MAT1A: variants seen among roughly 807,000 people sequenced by gnomAD.
MAT1A encodes S-adenosylmethionine synthase isoform type-1.
MAT1A carries 19 observed loss-of-function variants against 44.0 expected under a neutral mutation model. The observed-to-expected ratio is 0.43, with a 90% CI of 0.30 to 0.63. The LOEUF (loss-of-function observed/expected upper bound fraction) is 0.63, where lower values mean the gene tolerates loss of function less well. Among genes scored for constraint, MAT1A ranks in the 30% least tolerant of loss-of-function variants. The pLI is 0.12. For synonymous variants in MAT1A, 205 were observed against 205.6 expected (o/e 1.00, Z 0.03); for missense variants, 397 against 531.0 (o/e 0.75, Z 2.48).
rs372568234 is a variant in MAT1A, at chr10:80,289,451, T to C, written c.-28A>G. 10 of 1,561,586 alleles carry C rather than the reference T, an allele frequency of 6.4e-6. No homozygotes were observed. The African/African-American group carries it at 1.2e-4, about 19-fold the overall frequency. On this transcript the variant is annotated 5_prime_UTR_variant, in exon 1 of 9. Coordinates refer to ENST00000372213, the MANE Select transcript of MAT1A (RefSeq NM_000429.3). ...TCTCACACTTCTCCACTCACGCTTC[T>C]TTCAGTGAACAATTTTGAGGCTGTG...
intron 1 of MAT1A, among the ~76,000 whole-genome samples, chr10:80,287,298 T>G (rs191218274): frequency 3.8e-3 from 578 of 152,408 alleles, no homozygotes; most frequent in Non-Finnish European, 6.1e-3. Flanking sequence ...TTTTTGTTTT[T>G]GTTTTGGCTT....
chr10:80,273,834 G>C lies in MAT1A; in HGVS notation c.1135C>G (p.His379Asp), dbSNP rs1841443310. The C allele has an allele frequency of 6.2e-7, 1 of 1,613,810 alleles. No individual in the cohort carries two copies. The highest frequency in any genetic ancestry group is 1.1e-5 in the South Asian group (1 of 91,066). ...PIYQKTACYG[H>D]FGRSEFPWEV... is the part of the protein sequence containing the mutation. ...CATGGGAACTCGCTTCTTCCGAAAT[G>C]GCCGTAGCATGCTGTCTTCTGGTAG... is the stretch of plus-strand genomic sequence containing the variant. Residue 379 changes from histidine to aspartate, a missense_variant, in exon 9 of 9, where the codon CAT (histidine) becomes GAT (aspartate). Coordinates refer to ENST00000372213, the MANE Select transcript of MAT1A (RefSeq NM_000429.3).
intron 5 of MAT1A, among the ~76,000 whole-genome samples, chr10:80,279,051 G>A (rs1173254655): frequency 6.6e-6 from 1 of 152,240 alleles, no homozygotes; most frequent in Non-Finnish European, 1.5e-5. Flanking sequence ...ACCATAAAAG[G>A]TTGTGAATGC....
intron 3 of MAT1A, among the ~76,000 whole-genome samples, chr10:80,282,626 T>A (rs1355932369): frequency 6.6e-6 from 1 of 152,216 alleles, no homozygotes; most frequent in African/African-American, 2.4e-5. Flanking sequence ...CCTCTGTGAA[T>A]ACCCTCATGT....
chr10:80,274,158 A>G (rs2132700844), intron 8 of MAT1A, among the ~76,000 whole-genome samples: 1 of 152,326 alleles, frequency 6.6e-6, no homozygotes, highest in South Asian at 2.1e-4. Context: ...GCCCAGGCCA[A>G]TGTTGACACC....
In MAT1A at chr10:80,289,642, T is replaced by G; in HGVS notation, c.-219A>C. 1 of 584,572 alleles carries G rather than the reference T, an allele frequency of 1.7e-6. No homozygotes were observed. Among genetic ancestry groups the G allele is most frequent in the South Asian group, 1.9e-5 (1 of 52,412 alleles). The allele number at this position is 584,572 out of a possible 1,614,324, so 36.2% of individuals were successfully genotyped here. ...GTGGATGGAACACGGGATGTGTCCC[T>G]CCCTCCAGCTTGCCACAGCTTGCTC... On this transcript the variant is annotated 5_prime_UTR_variant, in exon 1 of 9. Transcript: ENST00000372213.
rs146278151 is a variant in MAT1A at position 80,276,011 on chromosome 10, C to T, written c.768+365G>A. 1.4e-4 allele frequency among the ~76,000 whole-genome samples: 21 copies of T among 152,302 alleles called. No individual in the cohort carries two copies. In the East Asian group the frequency reaches 1.9e-3, roughly 14 times the overall value. Reference sequence around the variant, plus strand: ...TGGTGAAGATCTGGAAACAGCCACCCGGGAACAGCTGTCCACGTGCAAATG... The same window carrying T: ...TGGTGAAGATCTGGAAACAGCCACCTGGGAACAGCTGTCCACGTGCAAATG... On this transcript the variant is annotated intron_variant, in intron 6 of 8. Transcript: ENST00000372213.
At chr10:80,274,386 G>C (rs750201015) in intron 8 of MAT1A, 134 bp downstream of exon 8, 1 of 1,284,630 alleles carries the variant, frequency 7.8e-7, no homozygotes, top group Non-Finnish European at 1.1e-6. Flanking sequence ...GCACTGTGCT[G>C]TACCAAGAGC....
intron 8 of MAT1A, 70 bp from the exon 9 acceptor site, chr10:80,273,953 G>A: frequency 8.9e-7 from 1 of 1,127,432 alleles, no homozygotes; most frequent in Non-Finnish European, 1.4e-6. Context: ...TCCATTTCAA[G>A]GACAGGAGGG....
chr10:80,285,741 C>T, intron 1 of MAT1A, 152 bp from the exon 2 acceptor site: 1 of 651,574 alleles, frequency 1.5e-6, no homozygotes, highest in Non-Finnish European at 2.8e-6. Flanking sequence ...ATTAGAAATA[C>T]TTTGAAATTT....
At chr10:80,285,026 A>G (rs1841624998) in intron 2 of MAT1A, among the ~76,000 whole-genome samples, 1 of 152,246 alleles carries the variant, frequency 6.6e-6, no homozygotes, top group South Asian at 2.1e-4. Flanking sequence ...GACACTAATT[A>G]TTTTAAAACC....
At chr10:80,274,934 C>G in intron 7 of MAT1A, 83 bp downstream of exon 7, 1 of 1,481,520 alleles carries the variant, frequency 6.7e-7, no homozygotes, top group Non-Finnish European at 9.2e-7. Context: ...GCTTTCCCAC[C>G]GGGCCAACAT....
intron 6 of MAT1A, 107 bp downstream of exon 6, chr10:80,276,269 G>A: frequency 8.8e-7 from 1 of 1,141,448 alleles, no homozygotes; most frequent in Non-Finnish European, 1.3e-6. Context: ...CATGGCCAGA[G>A]TCAGCTGACC....
rs540137383 is a variant in MAT1A at position 80,274,540 on chromosome 10, G to A, written c.1065C>T (p.Leu355=). ...TTTACCTGACAATGACGCCCGGCCG[G>A]AGGTCGAAGTTCTTATGCACCACAT... ...LLDVVHKNFD[L]RPGVIVRDLD... is the part of the protein sequence containing the mutation. Residue 355 remains leucine, a synonymous_variant, in exon 8 of 9, where the codon CTC becomes CTT. Coordinates refer to ENST00000372213, the MANE Select transcript of MAT1A (RefSeq NM_000429.3). 328 of 1,614,192 alleles carry A rather than the reference G, an allele frequency of 2.0e-4. 8 individuals are homozygous for A. The South Asian group carries it at 3.5e-3, about 17-fold the overall frequency.
At chr10:80,289,134 G>T (rs1181557406) in intron 1 of MAT1A, among the ~76,000 whole-genome samples, 199 bp downstream of exon 1, 1 of 152,208 alleles carries the variant, frequency 6.6e-6, no homozygotes, top group Non-Finnish European at 1.5e-5. Context: ...CCACAAAGAA[G>T]TAGTCAATGT....
intron 3 of MAT1A, among the ~76,000 whole-genome samples, chr10:80,282,529 G>A (rs751042669): frequency 6.6e-6 from 1 of 152,208 alleles, no homozygotes; most frequent in Non-Finnish European, 1.5e-5. Flanking sequence ...AGGTCTAAAT[G>A]TACATAAACA....
intron 6 of MAT1A, 120 bp from the exon 7 acceptor site, chr10:80,275,319 A>C (rs1259673896): frequency 1.1e-6 from 1 of 917,744 alleles, no homozygotes; most frequent in Non-Finnish European, 1.7e-6. Context: ...GGCTGCCCAC[A>C]GACATTTTCC....
intron 5 of MAT1A, among the ~76,000 whole-genome samples, chr10:80,279,355 A>C (rs1841529880): frequency 6.6e-6 from 1 of 152,078 alleles, no homozygotes; most frequent in East Asian, 1.9e-4. Context: ...GGGAGGTGGC[A>C]GGGTGCTGCA....
At chr10:80,277,526 T>C (rs550657731) in intron 5 of MAT1A, among the ~76,000 whole-genome samples, 61 of 152,266 alleles carry the variant, frequency 4.0e-4, no homozygotes, top group East Asian at 3.5e-3. Context: ...CATCGTGAGC[T>C]GAGAGAAGTC....
Sources: gnomAD v4.1 joint callset for allele counts (sites outside exome capture counted in the v4.1 genomes callset) on GRCh38, gnomAD v4.1.1 for gene constraint, MANE v1.5 for transcripts, NCBI Gene and HGNC (gene_info 2026-07-23, HGNC 2026-07-21) for gene names.